Variants in CEP162 observed in about 807,000 individuals in gnomAD.
The protein encoded by CEP162 is centrosomal protein 162, also known as centrosomal protein of 162 kDa.
In CEP162, 141 loss-of-function variants were observed where a neutral mutation model predicts 169.2. That is an observed-to-expected ratio of 0.83 (90% confidence interval 0.73 to 0.96). CEP162 has a LOEUF of 0.96. CEP162 is among the 40% of genes least tolerant of loss of function. The pLI is 0.00. For synonymous variants in CEP162, 540 were observed against 526.4 expected (o/e 1.03, Z -0.35); for missense variants, 1,600 against 1,587.2 (o/e 1.01, Z -0.14).
At chr6:84,178,460 A>G (rs770446817) in intron 13 of CEP162, among the ~76,000 whole-genome samples, 13 of 152,176 alleles carry the variant, frequency 8.5e-5, no homozygotes, top group Non-Finnish European at 1.8e-4. Context: ...TTAAATTTGC[A>G]TATGTTTACT....
intron 21 of CEP162, among the ~76,000 whole-genome samples, chr6:84,159,165 G>C (rs1476382941): frequency 6.6e-6 from 1 of 151,462 alleles, no homozygotes; most frequent in Non-Finnish European, 1.5e-5. Flanking sequence ...TATCAGGATA[G>C]AAATGCTCAT....
At chr6:84,132,692 A>G (rs2099512121) in intron 25 of CEP162, among the ~76,000 whole-genome samples, 1 of 152,118 alleles carries the variant, frequency 6.6e-6, no homozygotes, top group Non-Finnish European at 1.5e-5. Context: ...TTTCAGCTCC[A>G]TCAGGTGATT....
intron 23 of CEP162, among the ~76,000 whole-genome samples, chr6:84,152,283 T>C (rs948150644): frequency 4.6e-5 from 7 of 152,208 alleles, no homozygotes; most frequent in African/African-American, 1.7e-4. Context: ...TTTGGGTACA[T>C]GCCAAAAGGC....
At chr6:84,222,841 G>A (rs963076618) in intron 2 of CEP162, among the ~76,000 whole-genome samples, 5 of 152,236 alleles carry the variant, frequency 3.3e-5, no homozygotes, top group Admixed American at 3.3e-4. Flanking sequence ...CTTGAAGAAT[G>A]TCAATTTAAA....
At position 84,185,415 on chromosome 6, in the gene CEP162, C is replaced by A. The variant is rs757659057; in HGVS notation, c.1435G>T (p.Gly479Trp). 11 of 1,613,260 alleles carry A rather than the reference C, an allele frequency of 6.8e-6. No homozygotes were observed. Among genetic ancestry groups the A allele is most frequent in the Non-Finnish European group, 9.3e-6 (11 of 1,179,444 alleles). The change falls in exon 13 of 27, where the codon GGG (glycine) becomes TGG (tryptophan). Residue 479 changes from glycine to tryptophan, a missense_variant. Transcript: ENST00000403245. Reference sequence around the variant, plus strand: ...GGTACCTGTTTACCCATTACAGCCCCTTCTTCTTCAGAACTAAGTTGAGAT... The same window carrying A: ...GGTACCTGTTTACCCATTACAGCCCATTCTTCTTCAGAACTAAGTTGAGAT... ...YRSQLSSEEEGAVMGKQVPYK... is the reference protein window; with the variant it reads ...YRSQLSSEEEWAVMGKQVPYK...
Position 84,155,421 on chromosome 6 carries a change from C to T in CEP162, c.2871G>A (p.Val957=). 6.2e-7 allele frequency: 1 copy of T among 1,613,266 alleles called. No individual in the cohort carries two copies. Residue 957 remains valine (V), a synonymous_variant, in exon 22 of 27, where the codon GTG becomes GTA. Coordinates refer to ENST00000403245, the MANE Select transcript of CEP162 (RefSeq NM_014895.4). ...ILAASAAGDT[V]DKNTVEFMEK... ...CCATAAATTCCACTGTATTTTTATC[C>T]ACTGTATCACCAGCTGCTGATGCAG...
chr6:84,178,095 T>C (rs899393196), intron 13 of CEP162, among the ~76,000 whole-genome samples: 2 of 152,238 alleles, frequency 1.3e-5, no homozygotes, highest in Non-Finnish European at 2.9e-5. Flanking sequence ...GCAGTCTAGA[T>C]TTTGGCTACT....
intron 25 of CEP162, among the ~76,000 whole-genome samples, chr6:84,138,722 ATTAAG>A (rs1194222835): frequency 2.6e-5 from 4 of 152,224 alleles, no homozygotes; most frequent in African/African-American, 7.2e-5. Flanking sequence ...ATTAACAACA[ATTAAG>A]TTAACTAAAA....
At chr6:84,142,967 A>ATTG (rs1167285406) in intron 25 of CEP162, among the ~76,000 whole-genome samples, 2 of 152,120 alleles carry the variant, frequency 1.3e-5, no homozygotes, top group African/African-American at 4.8e-5. Flanking sequence ...TCCAAGCATA[A>ATTG]TTGTTAATAA....
intron 2 of CEP162, among the ~76,000 whole-genome samples, chr6:84,224,308 A>ATTT (rs2099554872): frequency 6.6e-6 from 1 of 152,240 alleles, no homozygotes; most frequent in Non-Finnish European, 1.5e-5. Context: ...AATATATAAT[A>ATTT]CAATTTCTAT....
At chr6:84,133,298 C>G (rs1291766692) in intron 25 of CEP162, among the ~76,000 whole-genome samples, 1 of 152,204 alleles carries the variant, frequency 6.6e-6, no homozygotes, top group Non-Finnish European at 1.5e-5. Flanking sequence ...AGTTAGGCTA[C>G]TCAAGTGTCA....
intron 6 of CEP162, among the ~76,000 whole-genome samples, chr6:84,206,592 T>C (rs1336229736): frequency 6.6e-6 from 1 of 152,192 alleles, no homozygotes; most frequent in East Asian, 1.9e-4. Flanking sequence ...AAGACTTAAA[T>C]GTTAAACCTA....
intron 7 of CEP162, among the ~76,000 whole-genome samples, 156 bp from the exon 8 acceptor site, chr6:84,201,923 C>A (rs2099544684): frequency 6.6e-6 from 1 of 152,170 alleles, no homozygotes; most frequent in South Asian, 2.1e-4. Flanking sequence ...ACCACTGACT[C>A]TCATTTATCA....
At chr6:84,213,997 C>T (rs981830603) in intron 5 of CEP162, among the ~76,000 whole-genome samples, 2 of 152,088 alleles carry the variant, frequency 1.3e-5, no homozygotes, top group African/African-American at 2.4e-5. Flanking sequence ...AATACATTTT[C>T]GCTGGGCGCG....
chr6:84,155,734 C>A, intron 21 of CEP162: 1 of 497,326 alleles, frequency 2.0e-6, no homozygotes. Flanking sequence ...AAAACCGTGA[C>A]ACAAACAAAT....
chr6:84,147,611 A>T (rs2099519462), intron 24 of CEP162, among the ~76,000 whole-genome samples: 1 of 152,112 alleles, frequency 6.6e-6, no homozygotes, highest in South Asian at 2.1e-4. Context: ...TAAATATCTA[A>T]ATCATTATAT....
At chr6:84,173,660 A>G (rs1233547443) in intron 16 of CEP162, among the ~76,000 whole-genome samples, 2 of 151,896 alleles carry the variant, frequency 1.3e-5, no homozygotes, top group Non-Finnish European at 2.9e-5. Flanking sequence ...TATCTGTTAA[A>G]TAAGCAGAGA....
chr6:84,180,569 A>G (rs2099534365), intron 13 of CEP162, among the ~76,000 whole-genome samples: 1 of 150,714 alleles, frequency 6.6e-6, no homozygotes, highest in Admixed American at 6.6e-5. Flanking sequence ...CTGTTTGCAG[A>G]TGACATGATT....
Position 84,184,089 on chromosome 6 carries a change from T to A in CEP162, c.1663+1098A>T, listed in dbSNP as rs117495214. 6.1e-3 allele frequency among the ~76,000 whole-genome samples: 923 copies of A among 152,254 alleles called. 33 individuals carry two copies. In the East Asian group the frequency reaches 0.094, roughly 16 times the overall value. On this transcript the variant is annotated intron_variant, in intron 13 of 26. Coordinates refer to ENST00000403245, the MANE Select transcript of CEP162 (RefSeq NM_014895.4). ...TCCACAGTTCCTAGAATGCAGGAAC[T>A]AGCCATGTTACTGTGCACATGATCC... is the stretch of plus-strand genomic sequence containing the variant.
Sources: gnomAD v4.1 joint callset for allele counts (sites outside exome capture counted in the v4.1 genomes callset) on GRCh38, gnomAD v4.1.1 for gene constraint, MANE v1.5 for transcripts, NCBI Gene and HGNC (gene_info 2026-07-23, HGNC 2026-07-21) for gene names.